Variants in FGF12 observed in about 807,000 individuals in gnomAD.
FGF12 encodes the protein fibroblast growth factor 12, also known as fibroblast growth factor 12B.
Under a neutral mutation model 23.6 loss-of-function variants are expected in FGF12, and 14 were observed. The ratio of observed to expected loss-of-function variants is 0.59; its 90% CI spans 0.39 to 0.93. The LOEUF is 0.93. Ranked by LOEUF, FGF12 falls within the 40% of genes least tolerant of loss-of-function variation. The pLI is 0.00. For missense variants in FGF12, 175 were observed against 217.8 expected (o/e 0.80, Z 1.24); for synonymous variants, 62 against 77.3 (o/e 0.80, Z 1.04).
At chr3:192,147,020 T>C (rs1052595539) in intron 5 of FGF12, among the ~76,000 whole-genome samples, 1 of 152,208 alleles carries the variant, frequency 6.6e-6, no homozygotes, top group Non-Finnish European at 1.5e-5. Context: ...AAGTAAAAGG[T>C]AGGTTTTCCA....
At chr3:192,172,932 A>C (rs1715649103) in intron 4 of FGF12, among the ~76,000 whole-genome samples, 1 of 151,158 alleles carries the variant, frequency 6.6e-6, no homozygotes, top group Non-Finnish European at 1.5e-5. Flanking sequence ...AGTTCTACAG[A>C]ATGCAACTGT....
intron 4 of FGF12, among the ~76,000 whole-genome samples, chr3:192,325,042 T>C (rs913962598): frequency 3.9e-5 from 6 of 152,224 alleles, no homozygotes; most frequent in Admixed American, 3.9e-4. Flanking sequence ...GGATGCTTAC[T>C]GTTAATCCTT....
chr3:192,141,524 G>T lies in FGF12; in HGVS notation c.*2485C>A, dbSNP rs943585940. The stretch of plus-strand genomic sequence containing the variant: ...AAGCTAATTTCCAAAACATTTTACT[G>T]CAGTGAACATTTGCTTAACATAATA... On this transcript the variant is annotated 3_prime_UTR_variant, in exon 6 of 6. Coordinates refer to ENST00000445105, the MANE Select transcript of FGF12 (RefSeq NM_004113.6). 1 of 151,896 alleles carries T rather than the reference G, an allele frequency of 6.6e-6. No individual in the cohort carries two copies. Among genetic ancestry groups the T allele is most frequent in the South Asian group, 2.1e-4 (1 of 4,826 alleles). 9.4% of individuals were successfully genotyped at this position (151,896 alleles called of 1,614,324 possible).
intron 2 of FGF12, among the ~76,000 whole-genome samples, chr3:192,448,330 A>G (rs1722422616): frequency 6.6e-6 from 1 of 152,234 alleles, no homozygotes; most frequent in Non-Finnish European, 1.5e-5. Context: ...CACTCTGCAA[A>G]AAATTCATTT....
At chr3:192,718,781 C>G (rs1718943014) in intron 2 of FGF12, among the ~76,000 whole-genome samples, 2 of 152,066 alleles carry the variant, frequency 1.3e-5, no homozygotes, top group Admixed American at 1.3e-4. Context: ...GTTATAAATC[C>G]AACAACTTCA....
intron 2 of FGF12, among the ~76,000 whole-genome samples, chr3:192,404,837 G>T (rs1370510607): frequency 1.3e-5 from 2 of 152,134 alleles, no homozygotes; most frequent in Non-Finnish European, 2.9e-5. Flanking sequence ...CATTGCTGAA[G>T]TCCAATGGCC....
At chr3:192,371,766 A>T (rs1719242708) in intron 2 of FGF12, among the ~76,000 whole-genome samples, 1 of 152,064 alleles carries the variant, frequency 6.6e-6, no homozygotes, top group Non-Finnish European at 1.5e-5. Flanking sequence ...TATATTAGGG[A>T]ACTGAGGCTT....
intron 2 of FGF12, among the ~76,000 whole-genome samples, chr3:192,507,433 A>G (rs965808238): frequency 6.6e-6 from 1 of 151,914 alleles, no homozygotes; most frequent in Non-Finnish European, 1.5e-5. Context: ...AAATTTATAA[A>G]TTTTTTCAGG....
At chr3:192,703,211 T>C (rs1392830932) in intron 2 of FGF12, among the ~76,000 whole-genome samples, 1 of 152,182 alleles carries the variant, frequency 6.6e-6, no homozygotes. Context: ...ACAACCACAA[T>C]AAAGTGAATA....
intron 2 of FGF12, among the ~76,000 whole-genome samples, chr3:192,377,446 T>C (rs3109185): frequency 0.19 from 28,247 of 152,206 alleles, 2,902 homozygotes; most frequent in African/African-American, 0.28. Context: ...TTAATTTTTG[T>C]TGTTATATTT....
chr3:192,472,198 A>G (rs1169213058), intron 2 of FGF12, among the ~76,000 whole-genome samples: 2 of 151,988 alleles, frequency 1.3e-5, no homozygotes, highest in African/African-American at 4.8e-5. Context: ...ATGCATTTTT[A>G]GTAGAGACGG....
chr3:192,519,082 C>G (rs947634596), intron 2 of FGF12, among the ~76,000 whole-genome samples: 6 of 152,274 alleles, frequency 3.9e-5, no homozygotes, highest in South Asian at 2.1e-4. Flanking sequence ...GTACAAATAT[C>G]AAACCCAGAG....
chr3:192,145,395 T>A (rs973962498), intron 5 of FGF12, among the ~76,000 whole-genome samples: 9 of 152,182 alleles, frequency 5.9e-5, no homozygotes, highest in African/African-American at 2.2e-4. Flanking sequence ...CTGAGACTGG[T>A]TCAGTGATGA....
At chr3:192,290,040 C>T (rs2108648402) in intron 4 of FGF12, among the ~76,000 whole-genome samples, 1 of 152,180 alleles carries the variant, frequency 6.6e-6, no homozygotes, top group African/African-American at 2.4e-5. Flanking sequence ...CTAATATCTC[C>T]TCTTGGCTGG....
chr3:192,463,812 G>T (rs1722930489), intron 2 of FGF12, among the ~76,000 whole-genome samples: 1 of 152,086 alleles, frequency 6.6e-6, no homozygotes, highest in Non-Finnish European at 1.5e-5. Context: ...CATCTGTTTT[G>T]TTCTTTTTTT....
chr3:192,552,958 A>C (rs1432789714), intron 2 of FGF12, among the ~76,000 whole-genome samples: 1 of 152,144 alleles, frequency 6.6e-6, no homozygotes, highest in Non-Finnish European at 1.5e-5. Context: ...AGATCTTGAA[A>C]CAACAGCTGT....
At chr3:192,554,043 A>C (rs1175118012) in intron 2 of FGF12, among the ~76,000 whole-genome samples, 2 of 151,694 alleles carry the variant, frequency 1.3e-5, no homozygotes, top group African/African-American at 4.8e-5. Flanking sequence ...AAAATTCTGA[A>C]CTTTCAAGGG....
In FGF12 at chr3:192,468,231, A is replaced by C. The variant is rs368313778; in HGVS notation, c.14-107693T>G. On this transcript the variant is annotated intron_variant, in intron 2 of 5. Transcript: ENST00000445105. Reference sequence around the variant, plus strand: ...CTTAATCTAGCTCCCCTTAATGTTAACAGTTCACACAATCACAGTACAATT... The same window carrying C: ...CTTAATCTAGCTCCCCTTAATGTTACCAGTTCACACAATCACAGTACAATT... 1.7e-4 allele frequency among the ~76,000 whole-genome samples: 26 copies of C among 152,300 alleles called. No homozygotes were observed. The East Asian group carries it at 4.2e-3, about 25-fold the overall frequency.
chr3:192,638,774 T>C (rs1715679620), intron 2 of FGF12, among the ~76,000 whole-genome samples: 1 of 152,202 alleles, frequency 6.6e-6, no homozygotes, highest in African/African-American at 2.4e-5. Context: ...TGTGGGAGTA[T>C]TGGATGGGAA....
Sources: gnomAD v4.1 joint callset for allele counts (sites outside exome capture counted in the v4.1 genomes callset) on GRCh38, gnomAD v4.1.1 for gene constraint, MANE v1.5 for transcripts, NCBI Gene and HGNC (gene_info 2026-07-23, HGNC 2026-07-21) for gene names.